Variants in PIK3R1 observed in about 807,000 individuals in gnomAD.
PIK3R1 encodes phosphoinositide-3-kinase regulatory subunit 1, also known as phosphatidylinositol 3-kinase regulatory subunit alpha.
Under a neutral mutation model 98.0 loss-of-function variants are expected in PIK3R1, and 29 were observed. The observed-to-expected ratio is 0.30, with a 90% confidence interval of 0.22 to 0.40. The LOEUF (loss-of-function observed/expected upper bound fraction) is 0.40. Among genes scored for constraint, PIK3R1 ranks in the 10% least tolerant of loss-of-function variants. The probability of loss-of-function intolerance (pLI) is 1.00; values close to 1 mark genes in which losing one functional copy is unlikely to be tolerated. For synonymous variants in PIK3R1, 282 were observed against 311.8 expected, an observed-to-expected ratio of 0.90 and a Z score of 1.01; for missense variants, 596 against 872.7, an observed-to-expected ratio of 0.68 and a Z score of 3.99.
intron 2 of PIK3R1, among the ~76,000 whole-genome samples, chr5:68,229,530 C>G (rs1389454360): frequency 6.6e-6 from 1 of 152,144 alleles, no homozygotes; most frequent in Non-Finnish European, 1.5e-5. Context: ...CACCAACCCC[C>G]ACCCCAGGTC....
rs1039829975 is a variant in PIK3R1, at chr5:68,273,288, C to T, written c.335-102C>T. ...AAGCCCAGAGCAGGGGTTCTTCTTG[C>T]TCGGGCCTGATGTAATTAAATTATT... On this transcript the variant is annotated intron_variant, in intron 2 of 15. Transcript: ENST00000521381. 4 of 1,087,982 alleles carry T rather than the reference C, an allele frequency of 3.7e-6. No homozygotes were observed. The African/African-American group carries it at 6.2e-5, about 17-fold the overall frequency. The allele number at this position is 1,087,982 out of a possible 1,614,324, so 67.4% of individuals were successfully genotyped here. A position where few individuals can be genotyped will look rare whatever the true frequency, so the allele number is the denominator to read the frequency against.
intron 8 of PIK3R1, chr5:68,292,819 C>G (rs2112248830): frequency 9.9e-7 from 1 of 1,014,990 alleles, no homozygotes; most frequent in African/African-American, 1.6e-5. Context: ...AACTTAGTAC[C>G]ACAGATACAC....
At chr5:68,295,558 GT>G in intron 14 of PIK3R1, 70 bp downstream of exon 14, 2 of 1,317,478 alleles carry the variant, frequency 1.5e-6, no homozygotes, top group Non-Finnish European at 2.2e-6. Context: ...GACTTGCTTT[GT>G]TTTTAGAACA....
chr5:68,290,842 T>C (rs1404934188), intron 7 of PIK3R1: 3 of 1,576,984 alleles, frequency 1.9e-6, no homozygotes, highest in Middle Eastern at 1.7e-4. Context: ...CAGGTAATAC[T>C]GCAGTATTAT....
chr5:68,253,921 T>C (rs1263376685), intron 2 of PIK3R1, among the ~76,000 whole-genome samples: 1 of 151,898 alleles, frequency 6.6e-6, no homozygotes, highest in Admixed American at 6.5e-5. Flanking sequence ...TATAAACCCA[T>C]GTATATCCAC....
intron 2 of PIK3R1, among the ~76,000 whole-genome samples, chr5:68,236,028 G>A (rs578226668): frequency 4.0e-5 from 6 of 151,534 alleles, no homozygotes; most frequent in Middle Eastern, 3.4e-3. Context: ...ATGCTGCCAC[G>A]CCTGGCTAAT....
intron 4 of PIK3R1, among the ~76,000 whole-genome samples, chr5:68,278,516 A>G (rs1439020645): frequency 6.6e-6 from 1 of 152,180 alleles, no homozygotes; most frequent in East Asian, 1.9e-4. Flanking sequence ...TTACTATATG[A>G]CTAACCATTC....
intron 2 of PIK3R1, among the ~76,000 whole-genome samples, chr5:68,229,872 A>C (rs142857688): frequency 1.7e-4 from 26 of 152,344 alleles, no homozygotes; most frequent in African/African-American, 6.3e-4. Flanking sequence ...CTTCCAATAC[A>C]TTTTGCATGC....
chr5:68,272,545 CTTA>C (rs537233349), intron 2 of PIK3R1, among the ~76,000 whole-genome samples: 25 of 152,078 alleles, frequency 1.6e-4, no homozygotes, highest in African/African-American at 5.5e-4. Flanking sequence ...TTACAATGGT[CTTA>C]TTTATTTTTT....
chr5:68,289,922 C>T (rs1045267682), intron 7 of PIK3R1, among the ~76,000 whole-genome samples: 1 of 152,132 alleles, frequency 6.6e-6, no homozygotes, highest in Non-Finnish European at 1.5e-5. Context: ...GAAGCATTTT[C>T]TTTGCCCAGT....
chr5:68,301,342 C>CTATATATATATATATATATATATATATA lies in PIK3R1; in HGVS notation c.*3766_*3767insATATATATATATATATATATATATATAT, dbSNP rs531318827. 1 of 53,232 alleles carries CTATATATATATATATATATATATATATA rather than the reference C, an allele frequency of 1.9e-5. No individual in the cohort carries two copies. The allele number at this position is 53,232 out of a possible 1,614,324, so 3.3% of individuals were successfully genotyped here. A position where few individuals can be genotyped will look rare whatever the true frequency, so the allele number is the denominator to read the frequency against. ...ATAGCATTAGCTGCCCAGGATGCTG[C>CTATATATATATATATATATATATATATA]TATATATATATATATATATATATAT... is the stretch of plus-strand genomic sequence containing the variant. On this transcript the variant is annotated 3_prime_UTR_variant, in exon 16 of 16. Coordinates refer to ENST00000521381, the MANE Select transcript of PIK3R1 (RefSeq NM_181523.3).
intron 1 of PIK3R1, among the ~76,000 whole-genome samples, chr5:68,218,622 C>G (rs1012993059): frequency 6.6e-6 from 1 of 152,084 alleles, no homozygotes; most frequent in Admixed American, 6.5e-5. Context: ...GATTTTTATG[C>G]TCAAGTAGAA....
In PIK3R1 at chr5:68,298,773, G is replaced by A. The variant is rs1356716735; in HGVS notation, c.*1172G>A. 8 of 233,064 alleles carry A rather than the reference G, an allele frequency of 3.4e-5. No homozygotes were observed. The highest frequency in any genetic ancestry group is 5.1e-5 in the Non-Finnish European group (6 of 117,846). 14.4% of individuals were successfully genotyped at this position (233,064 alleles called of 1,614,324 possible). A position where few individuals can be genotyped will look rare whatever the true frequency, so the allele number is the denominator to read the frequency against. On this transcript the variant is annotated 3_prime_UTR_variant, in exon 16 of 16. Transcript: ENST00000521381. ...GAAAAAGATATATGAATATGACAAA[G>A]TATTGCTGAGTCCAACAATGTTGTT... is the stretch of plus-strand genomic sequence containing the variant.
At chr5:68,279,054 C>T (rs987008844) in intron 4 of PIK3R1, among the ~76,000 whole-genome samples, 1 of 152,242 alleles carries the variant, frequency 6.6e-6, no homozygotes, top group Admixed American at 6.5e-5. Context: ...CACCTGCTCA[C>T]TGCATCCTCA....
chr5:68,263,833 C>T (rs2112128944), intron 2 of PIK3R1, among the ~76,000 whole-genome samples: 1 of 152,258 alleles, frequency 6.6e-6, no homozygotes, highest in East Asian at 1.9e-4. Context: ...TTTTTCTCTG[C>T]AATTCCACAC....
intron 7 of PIK3R1, among the ~76,000 whole-genome samples, chr5:68,289,374 C>T (rs1014907996): frequency 1.3e-5 from 2 of 151,944 alleles, no homozygotes; most frequent in African/African-American, 4.8e-5. Flanking sequence ...AGACGGGGGA[C>T]GTCAGAGAAC....
intron 2 of PIK3R1, among the ~76,000 whole-genome samples, chr5:68,265,929 G>A (rs371270844): frequency 1.3e-5 from 2 of 152,156 alleles, no homozygotes; most frequent in Non-Finnish European, 2.9e-5. Context: ...AAGGAATCTG[G>A]TGCTGCTTTT....
In PIK3R1 at chr5:68,281,035, C is replaced by G. The variant is rs140881742; in HGVS notation, c.916+29C>G. ...ATGCTTTTTGAGCATTTAACATTCT[C>G]TCATTGTTCATTTTTTAGAGCCTTA... On this transcript the variant is annotated intron_variant, in intron 7 of 15. Transcript: ENST00000521381. 359 of 1,467,042 alleles carry G rather than the reference C, an allele frequency of 2.4e-4. 1 individual carries two copies. In the African/African-American group the frequency reaches 4.6e-3, roughly 19 times the overall value. 90.9% of individuals were successfully genotyped at this position (1,467,042 alleles called of 1,614,324 possible). A position where few individuals can be genotyped will look rare whatever the true frequency, so the allele number is the denominator to read the frequency against.
At chr5:68,248,141 G>A (rs1175047712) in intron 2 of PIK3R1, among the ~76,000 whole-genome samples, 2 of 151,836 alleles carry the variant, frequency 1.3e-5, no homozygotes, top group Non-Finnish European at 2.9e-5. Context: ...CACTAAGCCC[G>A]GCTAATTTTT....
Sources: gnomAD v4.1 joint callset for allele counts (sites outside exome capture counted in the v4.1 genomes callset) on GRCh38, gnomAD v4.1.1 for gene constraint, MANE v1.5 for transcripts, NCBI Gene and HGNC (gene_info 2026-07-23, HGNC 2026-07-21) for gene names.